PRSS23: variants seen among roughly 807,000 people sequenced by gnomAD.
PRSS23 encodes protease, serine 23.
Under a neutral mutation model 34.7 loss-of-function variants are expected in PRSS23, and 25 were observed. The observed-to-expected ratio is 0.72, with a 90% CI of 0.53 to 1.01. The LOEUF is 1.01. Among genes scored for constraint, PRSS23 ranks in the 50% least tolerant of loss-of-function variants. PRSS23 has a pLI of 0.00. For synonymous variants in PRSS23, 176 were observed against 186.6 expected, an observed-to-expected ratio of 0.94 and a Z score of 0.46; for missense variants, 445 against 475.6, an observed-to-expected ratio of 0.94 and a Z score of 0.60.
chr11:86,808,820 T>A lies in PRSS23; in HGVS notation c.*25T>A. On this transcript the variant is annotated 3_prime_UTR_variant, in exon 2 of 2. Transcript: ENST00000280258. ...ACACAGTGTTCCCTCCTGGCAGCAA[T>A]TAAGGGTCTTCATGTTCTTATTTTA... 1 of 1,567,234 alleles carries A rather than the reference T, an allele frequency of 6.4e-7. No homozygotes were observed. The highest frequency in any genetic ancestry group is 8.7e-7 in the Non-Finnish European group (1 of 1,154,578).
chr11:86,911,125 T>C (rs1021720198), intron 2 of PRSS23: 2 of 152,228 alleles, frequency 1.3e-5, no homozygotes, highest in East Asian at 3.9e-4. Flanking sequence ...ACGTCCTCAG[T>C]ACCTGCCCCC....
At chr11:86,920,306 C>G (rs1949039409) in intron 2 of PRSS23, among the ~76,000 whole-genome samples, 1 of 152,142 alleles carries the variant, frequency 6.6e-6, no homozygotes, top group Non-Finnish European at 1.5e-5. Context: ...CTTATTTGTT[C>G]TTCAAATATT....
intron 2 of PRSS23, among the ~76,000 whole-genome samples, chr11:86,895,477 C>CTTTTTTTTTTTTTTTTTTTTTTT (rs71040269): frequency 1.2e-5 from 1 of 86,636 alleles, no homozygotes; most frequent in South Asian, 4.5e-4. Context: ...TTATTTTATC[C>CTTTTTTTTTTTTTTTTTTTTTTT]TTTTTTTTTT....
At chr11:86,916,064 C>T (rs1215450435) in intron 2 of PRSS23, among the ~76,000 whole-genome samples, 1 of 151,928 alleles carries the variant, frequency 6.6e-6, no homozygotes, top group East Asian at 1.9e-4. Flanking sequence ...CAAAACAAAA[C>T]AAAACAAAAC....
intron 2 of PRSS23, among the ~76,000 whole-genome samples, chr11:86,839,789 C>T (rs765526019): frequency 1.9e-4 from 28 of 150,482 alleles, no homozygotes; most frequent in Non-Finnish European, 3.8e-4. Context: ...AGAGTGGGGG[C>T]CAATATTCAG....
intron 2 of PRSS23, chr11:86,833,470 C>A: frequency 2.4e-6 from 1 of 423,418 alleles, no homozygotes; most frequent in South Asian, 2.1e-5. Flanking sequence ...ATAGTTCGGA[C>A]ATGTATATAT....
At position 86,877,437 on chromosome 11, in the gene PRSS23, G is replaced by C. The variant is rs1405095602; in HGVS notation, c.206+53844G>C. The stretch of plus-strand genomic sequence containing the variant: ...TTATTCTTCACCTGTGCAGTCTTTG[G>C]ATTCATTTTAAACAGAATTTTTATT... On this transcript the variant is annotated intron_variant, in intron 2 of 2. Transcript: ENST00000533902. Among the ~76,000 whole-genome samples, 3 of 152,122 alleles carry C rather than the reference G, an allele frequency of 2.0e-5. 1 individual carries two copies. The highest frequency in any genetic ancestry group is 7.2e-5 in the African/African-American group (3 of 41,420).
downstream of PRSS23, among the ~76,000 whole-genome samples, chr11:86,813,205 A>G (rs929270657): frequency 1.3e-5 from 2 of 152,192 alleles, no homozygotes; most frequent in Admixed American, 6.5e-5. Context: ...AGCTGTCTCA[A>G]GTACACAGCC....
chr11:86,927,922 CAA>C (rs567192639), intron 2 of PRSS23, among the ~76,000 whole-genome samples: 30 of 149,842 alleles, frequency 2.0e-4, no homozygotes, highest in East Asian at 1.4e-3. Flanking sequence ...GCCTGGGTGA[CAA>C]GAGAGAAACT....
At chr11:86,793,492 T>C (rs1947963916) in intron 1 of PRSS23, among the ~76,000 whole-genome samples, 1 of 152,176 alleles carries the variant, frequency 6.6e-6, no homozygotes, top group Non-Finnish European at 1.5e-5. Context: ...CATGTAGCCA[T>C]AGCGTGAGTA....
intron 2 of PRSS23, among the ~76,000 whole-genome samples, chr11:86,927,373 A>G (rs1949088491): frequency 6.6e-6 from 1 of 152,228 alleles, no homozygotes. Context: ...TAACACAGTT[A>G]TAAGATCTCA....
chr11:86,834,221 T>C (rs931264805), intron 2 of PRSS23, among the ~76,000 whole-genome samples: 2 of 152,218 alleles, frequency 1.3e-5, no homozygotes, highest in African/African-American at 4.8e-5. Flanking sequence ...GGCCATCTGA[T>C]GGGTGCTATC....
At chr11:86,883,289 A>C (rs529516252) in intron 2 of PRSS23, among the ~76,000 whole-genome samples, 90 of 152,350 alleles carry the variant, frequency 5.9e-4, no homozygotes, top group African/African-American at 2.1e-3. Context: ...CTGGTACAAA[A>C]ACAGACACAT....
chr11:86,928,707 TTGGCA>T (rs1949102136), intron 2 of PRSS23, among the ~76,000 whole-genome samples: 2 of 65,888 alleles, frequency 3.0e-5, no homozygotes, highest in Non-Finnish European at 6.3e-5. Flanking sequence ...AAAAAAAAAA[TTGGCA>T]AGACATATAC....
At chr11:86,913,400 G>GTT (rs1227072272) in intron 2 of PRSS23, among the ~76,000 whole-genome samples, 2 of 136,396 alleles carry the variant, frequency 1.5e-5, no homozygotes. Flanking sequence ...TTGTATTGGT[G>GTT]TTTTTTTTTT....
At chr11:86,833,866 C>T (rs568444123) in intron 2 of PRSS23, among the ~76,000 whole-genome samples, 1 of 152,254 alleles carries the variant, frequency 6.6e-6, no homozygotes, top group Admixed American at 6.5e-5. Flanking sequence ...CGACTGACCA[C>T]TCTAACTGCT....
At chr11:86,948,843 C>G (rs1949266039) in intron 2 of PRSS23, 1 of 152,658 alleles carries the variant, frequency 6.6e-6, no homozygotes, top group African/African-American at 2.4e-5. Flanking sequence ...TATACTCTAA[C>G]AGCAAGACCA....
chr11:86,833,092 G>C (rs544571502), intron 2 of PRSS23: 1 of 605,688 alleles, frequency 1.7e-6, no homozygotes, highest in Non-Finnish European at 3.1e-6. Context: ...GCTACAAACC[G>C]GTCATAGGCC....
chr11:86,943,047 G>A (rs7121504), intron 2 of PRSS23, among the ~76,000 whole-genome samples: 2,392 of 152,298 alleles, frequency 0.016, 26 homozygotes, highest in South Asian at 0.027. Flanking sequence ...TCTCAGGACC[G>A]AAATGCTAAA....
Sources: allele counts gnomAD v4.1 joint callset (sites outside exome capture counted in the v4.1 genomes callset), GRCh38; gene constraint gnomAD v4.1.1; transcripts MANE v1.5; gene names NCBI Gene and HGNC (gene_info 2026-07-23, HGNC 2026-07-21).